PTPRD: variants seen among roughly 807,000 people sequenced by gnomAD.
PTPRD encodes protein tyrosine phosphatase receptor type D.
Under a neutral mutation model 214.5 loss-of-function variants are expected in PTPRD, and 34 were observed. That is an observed-to-expected ratio of 0.16 (90% CI 0.12 to 0.21). The LOEUF is 0.21. Ranked by LOEUF, PTPRD falls within the 10% of genes least tolerant of loss-of-function variation. PTPRD has a pLI of 1.00. For synonymous variants in PTPRD, 1,128 were observed against 845.7 expected (o/e 1.33, Z -5.79); for missense variants, 2,545 against 2,398.7 (o/e 1.06, Z -1.27).
At chr9:9,669,064 C>G (rs2096776677) in intron 7 of PTPRD, among the ~76,000 whole-genome samples, 1 of 152,000 alleles carries the variant, frequency 6.6e-6, no homozygotes, top group South Asian at 2.1e-4. Context: ...TCTCTTTATT[C>G]TAAAAAAGAT....
At chr9:10,170,513 C>A (rs2099195263) in intron 3 of PTPRD, among the ~76,000 whole-genome samples, 1 of 152,040 alleles carries the variant, frequency 6.6e-6, no homozygotes, top group Non-Finnish European at 1.5e-5. Context: ...CGGTGAAACC[C>A]CGTCTCTACT....
At chr9:10,316,569 T>C (rs2096438569) in intron 3 of PTPRD, among the ~76,000 whole-genome samples, 1 of 151,988 alleles carries the variant, frequency 6.6e-6, no homozygotes, top group East Asian at 1.9e-4. Context: ...AATGATTTCA[T>C]TTGGTCTTTT....
At chr9:8,798,645 C>G (rs1480877150) in intron 11 of PTPRD, among the ~76,000 whole-genome samples, 1 of 152,162 alleles carries the variant, frequency 6.6e-6, no homozygotes, top group African/African-American at 2.4e-5. Flanking sequence ...GTGTATTAAG[C>G]ATCTACTCTA....
At chr9:9,805,858 A>C (rs1438071991) in intron 5 of PTPRD, among the ~76,000 whole-genome samples, 1 of 152,206 alleles carries the variant, frequency 6.6e-6, no homozygotes, top group Non-Finnish European at 1.5e-5. Flanking sequence ...TAGAAACAAC[A>C]TTAACAGACT....
chr9:9,582,469 G>C (rs2091044060), intron 7 of PTPRD, among the ~76,000 whole-genome samples: 1 of 152,042 alleles, frequency 6.6e-6, no homozygotes, highest in Admixed American at 6.6e-5. Flanking sequence ...AAATGACAGT[G>C]TGGCATGTTA....
chr9:10,215,019 A>G (rs1040466790), intron 3 of PTPRD, among the ~76,000 whole-genome samples: 1 of 152,084 alleles, frequency 6.6e-6, no homozygotes, highest in Admixed American at 6.6e-5. Context: ...TACATTGGAC[A>G]ATGAAGTAGA....
chr9:9,579,258 G>C (rs753189509), intron 7 of PTPRD, among the ~76,000 whole-genome samples: 4 of 151,998 alleles, frequency 2.6e-5, no homozygotes, highest in Non-Finnish European at 5.9e-5. Context: ...CACATACTAA[G>C]TGCCAAGAAG....
intron 5 of PTPRD, among the ~76,000 whole-genome samples, chr9:9,917,202 C>G (rs1481046929): frequency 7.6e-6 from 1 of 132,216 alleles, no homozygotes; most frequent in Admixed American, 8.1e-5. Flanking sequence ...AAAGATCAAG[C>G]AGAAGTAAAC....
At chr9:10,259,047 G>A (rs973762189) in intron 3 of PTPRD, among the ~76,000 whole-genome samples, 1 of 151,814 alleles carries the variant, frequency 6.6e-6, no homozygotes, top group Admixed American at 6.6e-5. Context: ...TTTTGAGACG[G>A]AGTCTCACTC....
At chr9:8,424,111 T>C (rs1246459184) in intron 35 of PTPRD, among the ~76,000 whole-genome samples, 1 of 152,138 alleles carries the variant, frequency 6.6e-6, no homozygotes, top group Non-Finnish European at 1.5e-5. Context: ...AGTCGTTTTG[T>C]TGTTGTTGAT....
chr9:8,690,019 A>T (rs1681408561), intron 12 of PTPRD, among the ~76,000 whole-genome samples: 1 of 151,670 alleles, frequency 6.6e-6, no homozygotes, highest in Non-Finnish European at 1.5e-5. Context: ...GAGGCAGGAG[A>T]ATTGCTTAAG....
intron 8 of PTPRD, among the ~76,000 whole-genome samples, chr9:9,440,156 A>C (rs1208703378): frequency 6.6e-6 from 1 of 152,226 alleles, no homozygotes; most frequent in Non-Finnish European, 1.5e-5. Flanking sequence ...CAGAAGTCCA[A>C]TCTCATGGAG....
At chr9:8,818,461 A>T (rs2096968663) in intron 11 of PTPRD, among the ~76,000 whole-genome samples, 1 of 152,210 alleles carries the variant, frequency 6.6e-6, no homozygotes, top group Non-Finnish European at 1.5e-5. Flanking sequence ...TAGTGTCCTA[A>T]GAGCTTTCTT....
intron 11 of PTPRD, among the ~76,000 whole-genome samples, chr9:8,954,746 C>T (rs2099122331): frequency 6.6e-6 from 1 of 151,782 alleles, no homozygotes; most frequent in African/African-American, 2.4e-5. Flanking sequence ...CATTTAGATA[C>T]ATGATCATGG....
chr9:9,071,064 C>A (rs1175284541), intron 10 of PTPRD, among the ~76,000 whole-genome samples: 1 of 152,148 alleles, frequency 6.6e-6, no homozygotes, highest in Non-Finnish European at 1.5e-5. Flanking sequence ...CAGGCATGCA[C>A]CACCATACCC....
At chr9:10,363,473 T>C (rs1030090416) in intron 2 of PTPRD, among the ~76,000 whole-genome samples, 1 of 152,230 alleles carries the variant, frequency 6.6e-6, no homozygotes, top group African/African-American at 2.4e-5. Flanking sequence ...TTCTCACTGC[T>C]ACTGGAATTG....
intron 14 of PTPRD, among the ~76,000 whole-genome samples, chr9:8,589,468 A>G (rs997253976): frequency 6.6e-6 from 1 of 152,244 alleles, no homozygotes; most frequent in African/African-American, 2.4e-5. Flanking sequence ...AAGAAATACA[A>G]TAAGAAAACA....
intron 10 of PTPRD, among the ~76,000 whole-genome samples, chr9:9,131,546 C>A (rs768299154): frequency 3.3e-5 from 5 of 152,204 alleles, no homozygotes; most frequent in East Asian, 1.9e-4. Context: ...ATAATATATT[C>A]TATTTGTCAA....
intron 2 of PTPRD, among the ~76,000 whole-genome samples, chr9:10,557,732 C>T (rs540476271): frequency 1.3e-5 from 2 of 152,090 alleles, no homozygotes; most frequent in South Asian, 2.1e-4. Flanking sequence ...CTTAGAAAAA[C>T]GTAGGCAGCT....
Sources: gnomAD v4.1 joint callset for allele counts (sites outside exome capture counted in the v4.1 genomes callset) on GRCh38, gnomAD v4.1.1 for gene constraint, MANE v1.5 for transcripts, NCBI Gene and HGNC (gene_info 2026-07-23, HGNC 2026-07-21) for gene names.